The following LHX4 variants were observed in gnomAD, a reference collection of about 807,000 sequenced individuals.
The protein encoded by LHX4 is LIM homeobox 4, also known as LIM/homeobox protein Lhx4.
A neutral mutation model predicts 39.2 loss-of-function variants in LHX4; 16 were observed. The observed-to-expected ratio is 0.41, with a 90% CI of 0.28 to 0.62. The LOEUF (loss-of-function observed/expected upper bound fraction) is 0.62. Among genes scored for constraint, LHX4 ranks in the 20% least tolerant of loss-of-function variants. LHX4 has a pLI of 0.33. For synonymous variants in LHX4, 206 were observed against 198.1 expected, an observed-to-expected ratio of 1.04 and a Z score of -0.33; for missense variants, 439 against 511.9, an observed-to-expected ratio of 0.86 and a Z score of 1.37.
Position 180,230,707 on chromosome 1 carries a change from T to C in LHX4, c.76+102T>C. On this transcript the variant is annotated intron_variant, in intron 1 of 5. Coordinates refer to ENST00000263726, the MANE Select transcript of LHX4 (RefSeq NM_033343.4). This position sits in a 1 kb window ranked among gnomAD's most constrained non-coding sequence, Gnocchi z 5.8. ...ACGCCGCTCAGGGGCCGGGAGGGGC[T>C]GGCGGCCGGGGCGCAGAGGCGGTCA... The C allele has an allele frequency of 2.6e-6, 3 of 1,156,058 alleles. No individual in the cohort carries two copies. In the South Asian group the frequency reaches 3.8e-5, roughly 15 times the overall value. The allele number at this position is 1,156,058 out of a possible 1,614,324, so 71.6% of individuals were successfully genotyped here.
rs114279424 is a variant in LHX4, at chr1:180,257,547, A to G, written c.249-8845A>G. Among the ~76,000 whole-genome samples, 405 of 152,300 alleles carry G rather than the reference A, an allele frequency of 2.7e-3. 3 individuals carry two copies. The highest frequency in any genetic ancestry group is 8.9e-3 in the African/African-American group (371 of 41,556). On this transcript the variant is annotated intron_variant, in intron 2 of 5. Transcript: ENST00000263726. ...TGGGGCAGAACTTTATGTGCCCATG[A>G]CATGGCTGTGGCCTTAGAGTGGGCG...
Position 180,253,044 on chromosome 1 carries a change from G to A in LHX4, c.248+4588G>A, listed in dbSNP as rs1416891813. ...AAGAAAGGCACTGAGTTGACTAAGG[G>A]AGCACAGTGGGGACCATGATTTGTT... On this transcript the variant is annotated intron_variant, in intron 2 of 5. Coordinates refer to ENST00000263726, the MANE Select transcript of LHX4 (RefSeq NM_033343.4). Among the ~76,000 whole-genome samples, 9 of 152,272 alleles carry A rather than the reference G, an allele frequency of 5.9e-5. No individual in the cohort carries two copies. In the South Asian group the frequency reaches 1.9e-3, roughly 32 times the overall value.
rs550160737 is a variant in LHX4 at position 180,266,056 on chromosome 1, C to G, written c.249-336C>G. 4.6e-5 allele frequency among the ~76,000 whole-genome samples: 7 copies of G among 152,280 alleles called. No individual in the cohort carries two copies. In the South Asian group the frequency reaches 1.5e-3, roughly 32 times the overall value. Reference sequence around the variant, plus strand: ...GCTGGGAGGTGGAGGGGGAGACAGCCTGCTTTGAGGGACTTAGAAAGTCCA... The same window carrying G: ...GCTGGGAGGTGGAGGGGGAGACAGCGTGCTTTGAGGGACTTAGAAAGTCCA... On this transcript the variant is annotated intron_variant, in intron 2 of 5. Transcript: ENST00000263726. This position sits in a 1 kb window ranked among gnomAD's most constrained non-coding sequence, Gnocchi z 5.7.
rs572317671 is a variant in LHX4, at chr1:180,244,390, C to T, written c.77-3895C>T. Among the ~76,000 whole-genome samples, 29 of 152,258 alleles carry T rather than the reference C, an allele frequency of 1.9e-4. No homozygotes were observed. The East Asian group carries it at 3.7e-3, about 19-fold the overall frequency. On this transcript the variant is annotated intron_variant, in intron 1 of 5. Coordinates refer to ENST00000263726, the MANE Select transcript of LHX4 (RefSeq NM_033343.4). ...ATTTGGGCAGCCCAGAGTGACCCAG[C>T]GCGGATCCTTTCCTCCAAGCTCGAG...
chr1:180,240,671 A>T (rs897689616), intron 1 of LHX4, among the ~76,000 whole-genome samples: 1 of 152,232 alleles, frequency 6.6e-6, no homozygotes, highest in Admixed American at 6.5e-5. Context: ...AAGAAACGTG[A>T]GTGGGGAATA....
chr1:180,229,250 G>A (rs1486796359), upstream of LHX4, among the ~76,000 whole-genome samples: 7 of 152,372 alleles, frequency 4.6e-5, no homozygotes, highest in Admixed American at 4.6e-4. Context: ...AAGCACCCGC[G>A]GTGGCAGCCG....
intron 1 of LHX4, among the ~76,000 whole-genome samples, chr1:180,237,316 T>A (rs1014616734): frequency 6.6e-6 from 1 of 152,074 alleles, no homozygotes; most frequent in Non-Finnish European, 1.5e-5. Context: ...AGGTGCTGGG[T>A]ATAGGACAGA....
chr1:180,243,246 C>T (rs891639934), intron 1 of LHX4, among the ~76,000 whole-genome samples: 3 of 152,080 alleles, frequency 2.0e-5, no homozygotes, highest in African/African-American at 7.2e-5. Flanking sequence ...GTCTCGTCCT[C>T]CTAAAGTGCC....
upstream of LHX4, among the ~76,000 whole-genome samples, chr1:180,229,425 C>CG (rs1211072276): frequency 3.3e-5 from 5 of 152,190 alleles, no homozygotes; most frequent in South Asian, 6.2e-4. Flanking sequence ...GGGACGCGCG[C>CG]GGGGGGCCTG....
At position 180,277,703 on chromosome 1, in the gene LHX4, C is replaced by G. The variant is rs1571306794; in HGVS notation, c.*3124C>G. 1 of 152,192 alleles carries G rather than the reference C, an allele frequency of 6.6e-6. No homozygotes were observed. The highest frequency in any genetic ancestry group is 2.4e-5 in the African/African-American group (1 of 41,438). The allele number at this position is 152,192 out of a possible 1,614,324, so 9.4% of individuals were successfully genotyped here. ...TATGCAACCTCAGGCAAATTCCTCT[C>G]AGTCTTTGTGCTTTCTCTTTCTTGT... On this transcript the variant is annotated 3_prime_UTR_variant, in exon 6 of 6. Transcript: ENST00000263726.
chr1:180,265,821 A>G (rs1648288167), intron 2 of LHX4, among the ~76,000 whole-genome samples: 1 of 152,092 alleles, frequency 6.6e-6, no homozygotes. Context: ...GAGGGGAGAA[A>G]TGGAGGCAAA....
chr1:180,278,538 C>T lies in LHX4; in HGVS notation c.*3959C>T, dbSNP rs1649181257. The T allele has an allele frequency of 6.6e-6, 1 of 152,006 alleles. No homozygotes were observed. Among genetic ancestry groups the T allele is most frequent in the African/African-American group, 2.4e-5 (1 of 41,330 alleles). 9.4% of individuals were successfully genotyped at this position (152,006 alleles called of 1,614,324 possible). A position where few individuals can be genotyped will look rare whatever the true frequency, so the allele number is the denominator to read the frequency against. On this transcript the variant is annotated 3_prime_UTR_variant, in exon 6 of 6. Transcript: ENST00000263726. ...GACAGCTGCAGGTTTGGGAGGTGCA[C>T]CAAGCATTCCTTTGCTTAGGGAGGC... is the stretch of plus-strand genomic sequence containing the variant.
intron 2 of LHX4, among the ~76,000 whole-genome samples, chr1:180,258,605 A>T (rs533966664): frequency 6.6e-6 from 1 of 152,134 alleles, no homozygotes; most frequent in East Asian, 1.9e-4. Flanking sequence ...AAGCTAGGGA[A>T]GGCGGTGTGG....
intron 1 of LHX4, among the ~76,000 whole-genome samples, chr1:180,235,835 C>T (rs2149252519): frequency 6.6e-6 from 1 of 152,344 alleles, no homozygotes; most frequent in Non-Finnish European, 1.5e-5. Context: ...GGACTGGGAC[C>T]GAGCGCATCC....
intron 2 of LHX4, among the ~76,000 whole-genome samples, chr1:180,262,452 C>T (rs1043492003): frequency 6.6e-6 from 1 of 152,076 alleles, no homozygotes; most frequent in African/African-American, 2.4e-5. Flanking sequence ...ACTAGAACCT[C>T]CACTGCAGGC....
At position 180,275,148 on chromosome 1, in the gene LHX4, C is replaced by A. The variant is rs1648953250; in HGVS notation, c.*569C>A. ...TTTGATATTAAAAACATGCCCCCTCCTTTTTTATTTTTGCTGTGAAGATAT... is the reference window on the plus strand; with the variant it reads ...TTTGATATTAAAAACATGCCCCCTCATTTTTTATTTTTGCTGTGAAGATAT... On this transcript the variant is annotated 3_prime_UTR_variant, in exon 6 of 6. Transcript: ENST00000263726. The A allele has an allele frequency of 6.6e-6, 1 of 152,250 alleles. No homozygotes were observed. The highest frequency in any genetic ancestry group is 2.1e-4 in the South Asian group (1 of 4,838). 9.4% of individuals were successfully genotyped at this position (152,250 alleles called of 1,614,324 possible).
At position 180,230,666 on chromosome 1, in the gene LHX4, C is replaced by A; in HGVS notation, c.76+61C>A. On this transcript the variant is annotated intron_variant, in intron 1 of 5. Transcript: ENST00000263726. The surrounding 1 kb of genome is among the most constrained non-coding windows in gnomAD (Gnocchi z 5.8). ...ACAAGACAGCTAGCAGCCTCAGCCGCTGCGGGGCGGGCCGGACGCCGCTCA... is the reference window on the plus strand; with the variant it reads ...ACAAGACAGCTAGCAGCCTCAGCCGATGCGGGGCGGGCCGGACGCCGCTCA... The A allele has an allele frequency of 6.6e-7, 1 of 1,521,144 alleles. No individual in the cohort carries two copies. Among genetic ancestry groups the A allele is most frequent in the Non-Finnish European group, 9.1e-7 (1 of 1,100,390 alleles). The allele number at this position is 1,521,144 out of a possible 1,614,324, so 94.2% of individuals were successfully genotyped here. A position where few individuals can be genotyped will look rare whatever the true frequency, so the allele number is the denominator to read the frequency against.
upstream of LHX4, among the ~76,000 whole-genome samples, chr1:180,229,044 G>A (rs554177920): frequency 1.4e-4 from 21 of 152,362 alleles, no homozygotes; most frequent in South Asian, 4.3e-3. Context: ...GAGCGTCAGA[G>A]GAGACCTCGT....
At chr1:180,259,588 G>T (rs867675208) in intron 2 of LHX4, among the ~76,000 whole-genome samples, 3 of 151,848 alleles carry the variant, frequency 2.0e-5, no homozygotes, top group Non-Finnish European at 2.9e-5. Flanking sequence ...GGGCTCAGTG[G>T]GGGAGCGGGT....
Sources: allele counts gnomAD v4.1 joint callset (sites outside exome capture counted in the v4.1 genomes callset), GRCh38; gene constraint gnomAD v4.1.1; non-coding constraint Gnocchi (gnomAD v3.1); transcripts MANE v1.5; gene names NCBI Gene and HGNC (gene_info 2026-07-23, HGNC 2026-07-21).